MGST1: variants seen among roughly 807,000 people sequenced by gnomAD.
The protein encoded by MGST1 is glutathione S-transferase 12.
MGST1 carries 5 observed loss-of-function variants against 8.9 expected under a neutral mutation model. The observed-to-expected ratio is 0.56, with a 90% CI of 0.29 to 1.19. MGST1 has a LOEUF of 1.19. Ranked by LOEUF, MGST1 falls within the 50% of genes most tolerant of loss-of-function variation. The pLI is 0.08. For missense variants in MGST1, 182 were observed against 187.4 expected, an observed-to-expected ratio of 0.97 and a Z score of 0.17; for synonymous variants, 54 against 67.8, an observed-to-expected ratio of 0.80 and a Z score of 1.00.
chr12:16,584,973 C>T lies in MGST1; in HGVS notation n.483-4555C>T, dbSNP rs576729966. Among the ~76,000 whole-genome samples the T allele has an allele frequency of 4.1e-4, 62 of 152,352 alleles. No individual in the cohort carries two copies. Among genetic ancestry groups the T allele is most frequent in the African/African-American group, 1.4e-3 (60 of 41,582 alleles). On this transcript the variant is annotated intron_variant and non_coding_transcript_variant, in intron 4 of 4. Coordinates refer to the MGST1 transcript ENST00000538857. This position sits in a 1 kb window ranked among gnomAD's most constrained non-coding sequence, Gnocchi z 5.2. Reference sequence around the variant, plus strand: ...TTTTATGATTCTGACCAAAAAGTTACATACTAGTAGCTGTGTGCCACATTA... The same window carrying T: ...TTTTATGATTCTGACCAAAAAGTTATATACTAGTAGCTGTGTGCCACATTA...
rs555171721 is a variant in MGST1 at position 16,418,518 on chromosome 12, G to A, written n.779-18870G>A. Among the ~76,000 whole-genome samples the A allele has an allele frequency of 1.1e-4, 16 of 152,192 alleles. No individual in the cohort carries two copies. The South Asian group carries it at 2.1e-3, about 20-fold the overall frequency. On this transcript the variant is annotated intron_variant and non_coding_transcript_variant, in intron 1 of 1. Coordinates refer to the MGST1 transcript ENST00000359720. ...ATAAAAAATTCACGTTTCAACAAGC[G>A]GTGTCAGGAACCAAACTCAGTTCCC...
chr12:16,370,222 G>T (rs1940268704), intron 3 of MGST1: 1 of 152,124 alleles, frequency 6.6e-6, no homozygotes, highest in South Asian at 2.1e-4. Context: ...ACAATACAGG[G>T]TTTGTGAACT....
chr12:16,368,309 A>G (rs1364849027), downstream of MGST1, among the ~76,000 whole-genome samples: 1 of 152,204 alleles, frequency 6.6e-6, no homozygotes, highest in East Asian at 1.9e-4. Context: ...TACTTTATAA[A>G]TAAAGAAACC....
At chr12:16,420,284 T>C (rs1463893915) in intron 1 of MGST1, among the ~76,000 whole-genome samples, 2 of 152,206 alleles carry the variant, frequency 1.3e-5, no homozygotes, top group Admixed American at 1.3e-4. Flanking sequence ...GATTCAGATC[T>C]TTTGATTGAA....
At chr12:16,436,982 C>T (rs912551673) in intron 1 of MGST1, among the ~76,000 whole-genome samples, 2 of 151,774 alleles carry the variant, frequency 1.3e-5, no homozygotes, top group African/African-American at 4.8e-5. Context: ...ATTTATATAG[C>T]CAAATAGTAA....
At chr12:16,501,655 T>C (rs1276543632) in intron 4 of MGST1, among the ~76,000 whole-genome samples, 1 of 152,194 alleles carries the variant, frequency 6.6e-6, no homozygotes, top group Admixed American at 6.5e-5. Flanking sequence ...CTATAAGGAC[T>C]AAAGGAGGGC....
chr12:16,411,720 C>G (rs1259127577), intron 1 of MGST1, among the ~76,000 whole-genome samples: 4 of 152,118 alleles, frequency 2.6e-5, no homozygotes, highest in African/African-American at 9.7e-5. Flanking sequence ...AATGGCTTAT[C>G]TCATGATGTA....
At chr12:16,486,974 C>A (rs1211486404) in intron 4 of MGST1, among the ~76,000 whole-genome samples, 1 of 152,166 alleles carries the variant, frequency 6.6e-6, no homozygotes, top group African/African-American at 2.4e-5. Flanking sequence ...CTGCCATATG[C>A]CATCCCTGAT....
downstream of MGST1, among the ~76,000 whole-genome samples, chr12:16,366,298 T>C (rs568345703): frequency 1.2e-3 from 153 of 128,698 alleles, 2 homozygotes; most frequent in South Asian, 0.036. The surrounding 1 kb of genome is among the most constrained non-coding windows in gnomAD (Gnocchi z 4.0). Flanking sequence ...TTTCTAACTA[T>C]ACTTTTACTC....
chr12:16,401,582 C>A lies in MGST1; in HGVS notation n.778+17978C>A. On this transcript the variant is annotated intron_variant and non_coding_transcript_variant, in intron 1 of 1. Coordinates refer to the MGST1 transcript ENST00000359720. This position sits in a 1 kb window ranked among gnomAD's most constrained non-coding sequence, Gnocchi z 4.3. The stretch of plus-strand genomic sequence containing the variant: ...GTGCGAACAGGTTGGAGCAATAAGA[C>A]TCGAAGCGAATACCCATGGCACAAG... 1 of 1,377,174 alleles carries A rather than the reference C, an allele frequency of 7.3e-7. No homozygotes were observed. 85.3% of individuals were successfully genotyped at this position (1,377,174 alleles called of 1,614,324 possible). A position where few individuals can be genotyped will look rare whatever the true frequency, so the allele number is the denominator to read the frequency against.
downstream of MGST1, among the ~76,000 whole-genome samples, chr12:16,590,636 C>T (rs949937272): frequency 1.8e-4 from 27 of 151,848 alleles, no homozygotes; most frequent in Admixed American, 1.5e-3. Flanking sequence ...GTGATCAGGA[C>T]AGTTTGATGA....
chr12:16,376,043 A>G, intron 3 of MGST1: 1 of 985,234 alleles, frequency 1.0e-6, no homozygotes, highest in Non-Finnish European at 1.4e-6. Flanking sequence ...ACATATATAT[A>G]AATGTATTTT....
At chr12:16,390,101 C>T (rs774149341) in intron 1 of MGST1, among the ~76,000 whole-genome samples, 2 of 151,800 alleles carry the variant, frequency 1.3e-5, no homozygotes, top group Admixed American at 6.6e-5. Flanking sequence ...CAAAGACTGA[C>T]ATTTACACAT....
chr12:16,442,792 CT>C (rs1389057967), downstream of MGST1, among the ~76,000 whole-genome samples: 5 of 151,040 alleles, frequency 3.3e-5, no homozygotes, highest in South Asian at 6.3e-4. The surrounding 1 kb of genome is among the most constrained non-coding windows in gnomAD (Gnocchi z 4.5). Context: ...GCCTTATTGA[CT>C]TTTTTTTTCT....
chr12:16,363,855 C>T lies in MGST1; in HGVS notation c.282C>T (p.Ser94=), dbSNP rs748288730. 2.1e-5 allele frequency: 34 copies of T among 1,613,110 alleles called. No individual in the cohort carries two copies. The highest frequency in any genetic ancestry group is 2.8e-5 in the Non-Finnish European group (33 of 1,179,428). The change falls in exon 4 of 4, where the codon TCC becomes TCT. Residue 94 remains serine (S), a synonymous_variant. Coordinates refer to ENST00000396210, the MANE Select transcript of MGST1 (RefSeq NM_020300.5). This position sits in a 1 kb window ranked among gnomAD's most constrained non-coding sequence, Gnocchi z 4.6. ...TTCTTGGAATTGGCCTCCTGTATTCCTTGAGTGGTCCCGACCCCTCTACAG... is the reference window on the plus strand; with the variant it reads ...TTCTTGGAATTGGCCTCCTGTATTCTTTGAGTGGTCCCGACCCCTCTACAG... ...IPFLGIGLLY[S]LSGPDPSTAI... is the part of the protein sequence containing the mutation.
downstream of MGST1, among the ~76,000 whole-genome samples, chr12:16,440,619 T>A (rs1458173879): frequency 2.6e-5 from 4 of 151,658 alleles, no homozygotes; most frequent in African/African-American, 7.2e-5. Flanking sequence ...ATTGCACAAC[T>A]ATGCCATAAT....
At chr12:16,475,079 G>T (rs34389) in intron 4 of MGST1, among the ~76,000 whole-genome samples, 6,070 of 152,146 alleles carry the variant, frequency 0.04, 354 homozygotes, top group East Asian at 0.18. Context: ...TGGCTTAAGG[G>T]GAAACAAAGG....
intron 1 of MGST1, among the ~76,000 whole-genome samples, chr12:16,426,813 C>A (rs1050479703): frequency 5.3e-4 from 80 of 151,458 alleles, no homozygotes; most frequent in East Asian, 3.9e-3. Flanking sequence ...ACAACAACAA[C>A]AAAAAAAAAT....
chr12:16,398,380 G>T (rs143033171), intron 1 of MGST1, among the ~76,000 whole-genome samples: 1 of 152,302 alleles, frequency 6.6e-6, no homozygotes, highest in East Asian at 1.9e-4. Flanking sequence ...GAGCAGCAGT[G>T]CTGAGAGGCT....
Sources: allele counts gnomAD v4.1 joint callset (sites outside exome capture counted in the v4.1 genomes callset), GRCh38; gene constraint gnomAD v4.1.1; non-coding constraint Gnocchi (gnomAD v3.1); transcripts MANE v1.5; gene names NCBI Gene and HGNC (gene_info 2026-07-23, HGNC 2026-07-21).